The following OTUB2 variants were observed in gnomAD, a reference collection of about 807,000 sequenced individuals.
OTUB2 encodes OTU deubiquitinase, ubiquitin aldehyde binding 2.
Under a neutral mutation model 25.1 loss-of-function variants are expected in OTUB2, and 21 were observed. The ratio of observed to expected loss-of-function variants is 0.84; its 90% CI spans 0.59 to 1.21. The LOEUF (loss-of-function observed/expected upper bound fraction) is 1.21, where lower values mean the gene tolerates loss of function less well. Among genes scored for constraint, OTUB2 ranks in the 50% most tolerant of loss-of-function variants. The pLI, the probability that OTUB2 is intolerant of heterozygous loss-of-function variation, is 0.00. For synonymous variants in OTUB2, 122 were observed against 122.8 expected, an observed-to-expected ratio of 0.99 and a Z score of 0.04; for missense variants, 283 against 298.0, an observed-to-expected ratio of 0.95 and a Z score of 0.37.
At chr14:94,043,609 G>A (rs1267515827) in intron 3 of OTUB2, among the ~76,000 whole-genome samples, 1 of 152,248 alleles carries the variant, frequency 6.6e-6, no homozygotes, top group Admixed American at 6.5e-5. Flanking sequence ...GAGGCCTGAT[G>A]TGTGTTGTCA....
At position 94,044,673 on chromosome 14, in the gene OTUB2, A is replaced by G. The variant is rs1305374759; in HGVS notation, c.391A>G (p.Ile131Val). 1 of 1,614,218 alleles carries G rather than the reference A, an allele frequency of 6.2e-7. No individual in the cohort carries two copies. The highest frequency in any genetic ancestry group is 1.1e-5 in the South Asian group (1 of 91,088). Residue 131 changes from isoleucine to valine, a missense_variant, in exon 5 of 6, where the codon ATC becomes GTC. By Grantham distance (29) the Ile-to-Val change is conservative. Coordinates refer to ENST00000203664, the MANE Select transcript of OTUB2 (RefSeq NM_023112.4). ...CAACGACCAGAGTGCCTCGGACCAC[A>G]TCGTGCAGTTCCTGCGCCTGCTCAC... ...VFNDQSASDH[I>V]VQFLRLLTSA...
At chr14:94,030,351 G>T (rs556152358) in intron 1 of OTUB2, among the ~76,000 whole-genome samples, 12 of 152,084 alleles carry the variant, frequency 7.9e-5, no homozygotes, top group South Asian at 6.2e-4. Context: ...TGTCGGGGGT[G>T]GGGGGCGAGG....
At chr14:94,032,692 T>A (rs1413218489) in intron 1 of OTUB2, among the ~76,000 whole-genome samples, 1 of 152,184 alleles carries the variant, frequency 6.6e-6, no homozygotes, top group African/African-American at 2.4e-5. Flanking sequence ...AATTTCAGGT[T>A]ATGTATGTTT....
chr14:94,043,941 C>T, intron 3 of OTUB2, 30 bp from the exon 4 acceptor site: 2 of 1,589,246 alleles, frequency 1.3e-6, no homozygotes, highest in Non-Finnish European at 1.7e-6. Context: ...CTGTGTTTCC[C>T]TGTAAACACT....
In OTUB2 at chr14:94,026,400, G is replaced by T. The variant is rs549875199; in HGVS notation, c.-138G>T. 9 of 1,276,314 alleles carry T rather than the reference G, an allele frequency of 7.1e-6. No homozygotes were observed. In the African/African-American group the frequency reaches 1.4e-4, roughly 20 times the overall value. 79.1% of individuals were successfully genotyped at this position (1,276,314 alleles called of 1,614,324 possible). Reference sequence around the variant, plus strand: ...AACCTTTGGTTTGCGGAGCGGTCGGGTGTATTCTCCGCCGCCCCCACGCCC... The same window carrying T: ...AACCTTTGGTTTGCGGAGCGGTCGGTTGTATTCTCCGCCGCCCCCACGCCC... On this transcript the variant is annotated 5_prime_UTR_variant, in exon 1 of 6. Coordinates refer to ENST00000203664, the MANE Select transcript of OTUB2 (RefSeq NM_023112.4).
intron 1 of OTUB2, among the ~76,000 whole-genome samples, chr14:94,030,577 G>C (rs548344524): frequency 1.3e-4 from 17 of 127,974 alleles, no homozygotes; most frequent in African/African-American, 5.1e-4. Context: ...TAACTGACCC[G>C]GGGGGGAAGC....
intron 3 of OTUB2, among the ~76,000 whole-genome samples, chr14:94,039,855 G>C (rs991707935): frequency 1.3e-5 from 2 of 152,156 alleles, no homozygotes; most frequent in African/African-American, 4.8e-5. Context: ...CCTCATCTGA[G>C]ACCCGCACCG....
At position 94,048,748 on chromosome 14, in the gene OTUB2, C is replaced by T. The variant is rs1011967469; in HGVS notation, c.*2826C>T. ...TTCCCAAGCAGGAGTGTCAGGGGAACCATGAGAGAGAGTCTAGGAGCAAAC... is the reference window on the plus strand; with the variant it reads ...TTCCCAAGCAGGAGTGTCAGGGGAATCATGAGAGAGAGTCTAGGAGCAAAC... On this transcript the variant is annotated 3_prime_UTR_variant, in exon 6 of 6. Transcript: ENST00000203664. The T allele has an allele frequency of 7.3e-6, 1 of 137,398 alleles. No individual in the cohort carries two copies. Among genetic ancestry groups the T allele is most frequent in the South Asian group, 2.3e-4 (1 of 4,414 alleles). 8.5% of individuals were successfully genotyped at this position (137,398 alleles called of 1,614,324 possible).
Position 94,044,792 on chromosome 14 carries a change from G to A in OTUB2, c.498+12G>A, listed in dbSNP as rs201106216. 2.4e-5 allele frequency: 38 copies of A among 1,604,358 alleles called. No individual in the cohort carries two copies. The East Asian group carries it at 8.5e-4, about 36-fold the overall frequency. ...ACTTCTGCACTCACGTAGGTGCTTG[G>A]GGTCTCAGCCCCAGCCCTGGGCTCT... On this transcript the variant is annotated intron_variant, in intron 5 of 5. Coordinates refer to ENST00000203664, the MANE Select transcript of OTUB2 (RefSeq NM_023112.4).
At chr14:94,026,771 C>G (rs989622172) in intron 1 of OTUB2, among the ~76,000 whole-genome samples, 3 of 152,164 alleles carry the variant, frequency 2.0e-5, no homozygotes, top group African/African-American at 7.2e-5. Flanking sequence ...CAGCTCGGCC[C>G]CGAGCCCCCG....
In OTUB2 at chr14:94,045,069, C is replaced by T. The variant is rs888276897; in HGVS notation, c.498+289C>T. On this transcript the variant is annotated intron_variant, in intron 5 of 5. Transcript: ENST00000203664. ...TAGTCCAAGAGTCACATTTGCTTGA[C>T]GTGTTTATGATGCATGGTATTTACC... Among the ~76,000 whole-genome samples, 8 of 152,308 alleles carry T rather than the reference C, an allele frequency of 5.3e-5. No individual in the cohort carries two copies. The South Asian group carries it at 8.3e-4, about 16-fold the overall frequency.
intron 1 of OTUB2, among the ~76,000 whole-genome samples, chr14:94,026,767 G>C (rs1375360146): frequency 6.6e-6 from 1 of 152,130 alleles, no homozygotes; most frequent in Non-Finnish European, 1.5e-5. Flanking sequence ...GGTCCAGCTC[G>C]GCCCCGAGCC....
chr14:94,044,545 G>T, intron 4 of OTUB2, 41 bp from the exon 5 acceptor site: 1 of 1,576,136 alleles, frequency 6.3e-7, no homozygotes, highest in Non-Finnish European at 8.7e-7. Flanking sequence ...GGAGGGCTGG[G>T]GCTTGCTTGG....
chr14:94,045,262 C>T (rs1885248613), intron 5 of OTUB2, among the ~76,000 whole-genome samples: 2 of 152,110 alleles, frequency 1.3e-5, no homozygotes, highest in South Asian at 2.1e-4. Context: ...TGCTTGCCAC[C>T]GCCTCTGCTT....
chr14:94,037,426 C>T lies in OTUB2; in HGVS notation c.50C>T (p.Ser17Phe). ...NLISEKCDILSILRDHPENRI... is the reference protein window; with the variant it reads ...NLISEKCDILFILRDHPENRI... ...ATATCAGAAAAATGTGACATTCTAT[C>T]CATTCTTCGGGACCATCCTGAAAAC... Residue 17 changes from serine to phenylalanine, a missense_variant, in exon 2 of 6, where the codon TCC (serine) becomes TTC (phenylalanine). Coordinates refer to ENST00000203664, the MANE Select transcript of OTUB2 (RefSeq NM_023112.4). 2 of 1,606,556 alleles carry T rather than the reference C, an allele frequency of 1.2e-6. No homozygotes were observed. The highest frequency in any genetic ancestry group is 2.2e-5 in the East Asian group (1 of 44,798).
Position 94,028,334 on chromosome 14 carries a change from A to G in OTUB2, c.3+1794A>G, listed in dbSNP as rs186960283. On this transcript the variant is annotated intron_variant, in intron 1 of 5. Coordinates refer to ENST00000203664, the MANE Select transcript of OTUB2 (RefSeq NM_023112.4). The stretch of plus-strand genomic sequence containing the variant: ...GCTGCATGGTGGGTTTTTATGTTGA[A>G]CTTGCATTGTGTGGATGGTGGTGAC... 3.9e-3 allele frequency among the ~76,000 whole-genome samples: 595 copies of G among 152,272 alleles called. 7 individuals are homozygous for G. The highest frequency in any genetic ancestry group is 0.014 in the African/African-American group (570 of 41,550).
intron 3 of OTUB2, among the ~76,000 whole-genome samples, chr14:94,042,910 G>T (rs1885190857): frequency 6.6e-6 from 1 of 152,212 alleles, no homozygotes; most frequent in South Asian, 2.1e-4. Flanking sequence ...GACAGGGCTG[G>T]AGGGGACTGC....
In OTUB2 at chr14:94,048,689, G is replaced by A. The variant is rs1182954933; in HGVS notation, c.*2767G>A. On this transcript the variant is annotated 3_prime_UTR_variant, in exon 6 of 6. Transcript: ENST00000203664. ...CAGGAAGCATAGGGCACTGCAGATG[G>A]GGAAGCATGTCACCTTGGCAGTGAC... 1.3e-5 allele frequency: 2 copies of A among 152,182 alleles called. No homozygotes were observed. The highest frequency in any genetic ancestry group is 2.1e-4 in the South Asian group (1 of 4,830). The allele number at this position is 152,182 out of a possible 1,614,324, so 9.4% of individuals were successfully genotyped here.
chr14:94,036,844 C>G (rs1885064131), intron 1 of OTUB2, among the ~76,000 whole-genome samples: 1 of 152,206 alleles, frequency 6.6e-6, no homozygotes, highest in Non-Finnish European at 1.5e-5. Flanking sequence ...ACTGCGGCCT[C>G]TTCTGGTGAC....
Sources: allele counts gnomAD v4.1 joint callset (sites outside exome capture counted in the v4.1 genomes callset), GRCh38; gene constraint gnomAD v4.1.1; transcripts MANE v1.5; gene names NCBI Gene and HGNC (gene_info 2026-07-23, HGNC 2026-07-21).